Variants in TET2 observed in about 807,000 individuals in gnomAD.
TET2 encodes the protein tet methylcytosine dioxygenase 2.
In TET2, 299 loss-of-function variants were observed where a neutral mutation model predicts 142.9. The ratio of observed to expected loss-of-function variants is 2.09; its 90% CI spans 1.90 to 2.30. The LOEUF is 2.30. Ranked by LOEUF, TET2 falls within the 30% of genes most tolerant of loss-of-function variation. The probability of loss-of-function intolerance (pLI) is 0.00; values close to 1 mark genes in which losing one functional copy is unlikely to be tolerated. For synonymous variants in TET2, 819 were observed against 849.0 expected (o/e 0.96, Z 0.61); for missense variants, 2,418 against 2,378.0 (o/e 1.02, Z -0.35).
Position 105,261,713 on chromosome 4 carries a change from A to G in TET2, c.3955-46A>G, listed in dbSNP as rs918768520. ...AACTGATAGTCTCTTTTACATAGAGAAAATGGACTTAGAATTTAATATGTA... is the reference window on the plus strand; with the variant it reads ...AACTGATAGTCTCTTTTACATAGAGGAAATGGACTTAGAATTTAATATGTA... On this transcript the variant is annotated intron_variant, in intron 7 of 10. Transcript: ENST00000380013. 3 of 1,227,650 alleles carry G rather than the reference A, an allele frequency of 2.4e-6. No homozygotes were observed. The African/African-American group carries it at 4.6e-5, about 19-fold the overall frequency. The allele number at this position is 1,227,650 out of a possible 1,614,324, so 76.0% of individuals were successfully genotyped here. A position where few individuals can be genotyped will look rare whatever the true frequency, so the allele number is the denominator to read the frequency against.
rs144762131 is a variant in TET2 at position 105,218,428 on chromosome 4, G to A, written c.-46-15469G>A. 5.3e-3 allele frequency among the ~76,000 whole-genome samples: 800 copies of A among 152,128 alleles called. 4 individuals carry two copies. The highest frequency in any genetic ancestry group is 0.032 in the South Asian group (155 of 4,828). On this transcript the variant is annotated intron_variant, in intron 2 of 10. Transcript: ENST00000380013. ...TTCCTCATGTCGGCTATGCCATGCCGTTTCGTTCTTTTAGCTTGTTTACTT... is the reference window on the plus strand; with the variant it reads ...TTCCTCATGTCGGCTATGCCATGCCATTTCGTTCTTTTAGCTTGTTTACTT...
At position 105,276,060 on chromosome 4, in the gene TET2, C is replaced by T. The variant is rs529288878; in HGVS notation, c.5550C>T (p.Ser1850=). ...AEDNDEVWSD[S]EQSFLDPDIG... Reference sequence around the variant, plus strand: ...ACAACGATGAGGTCTGGTCAGACAGCGAGCAGAGCTTTCTGGATCCTGACA... The same window carrying T: ...ACAACGATGAGGTCTGGTCAGACAGTGAGCAGAGCTTTCTGGATCCTGACA... The change falls in exon 11 of 11, where the codon AGC becomes AGT. Residue 1850 remains serine (S), a synonymous_variant. Coordinates refer to ENST00000380013, the MANE Select transcript of TET2 (RefSeq NM_001127208.3). 50 of 1,551,670 alleles carry T rather than the reference C, an allele frequency of 3.2e-5. No homozygotes were observed. Among genetic ancestry groups the T allele is most frequent in the South Asian group, 7.1e-5 (6 of 84,062 alleles).
chr4:105,255,741 C>A (rs1347581040), intron 6 of TET2, among the ~76,000 whole-genome samples: 1 of 151,816 alleles, frequency 6.6e-6, no homozygotes, highest in Admixed American at 6.6e-5. Flanking sequence ...ATAGTTAAAT[C>A]TTTTTAAAAA....
intron 6 of TET2, among the ~76,000 whole-genome samples, chr4:105,244,605 TTTTTTTTGAGATGGAG>T (rs1729493173): frequency 8.0e-6 from 1 of 124,894 alleles, no homozygotes; most frequent in Non-Finnish European, 1.8e-5. Flanking sequence ...TTTTTTTTTT[TTTTTTTTGAGATGGAG>T]TTTCGCTCTT....
chr4:105,195,109 C>A (rs1220692970), intron 2 of TET2, among the ~76,000 whole-genome samples: 1 of 152,136 alleles, frequency 6.6e-6, no homozygotes, highest in Non-Finnish European at 1.5e-5. Flanking sequence ...GATTTTAGAA[C>A]AAGTAAAGCA....
intron 8 of TET2, among the ~76,000 whole-genome samples, chr4:105,268,332 A>T (rs1730790672): frequency 6.6e-6 from 1 of 151,712 alleles, no homozygotes; most frequent in South Asian, 2.1e-4. Flanking sequence ...CATACATTTG[A>T]CAAAAATGTA....
intron 1 of TET2, among the ~76,000 whole-genome samples, chr4:105,161,542 T>G (rs1723860661): frequency 6.6e-6 from 1 of 152,210 alleles, no homozygotes; most frequent in Admixed American, 6.5e-5. Context: ...TACTGAACAC[T>G]CTCGAGCTTT....
chr4:105,182,428 A>G (rs941364251), intron 1 of TET2, among the ~76,000 whole-genome samples: 6 of 152,150 alleles, frequency 3.9e-5, no homozygotes, highest in Admixed American at 2.6e-4. Context: ...TGAGCTGTTA[A>G]ATATTTTGAT....
chr4:105,253,700 A>G (rs1729983687), intron 6 of TET2, among the ~76,000 whole-genome samples: 1 of 152,128 alleles, frequency 6.6e-6, no homozygotes, highest in Non-Finnish European at 1.5e-5. Flanking sequence ...GTGAGAGGCA[A>G]CATACTTGCC....
chr4:105,235,242 C>T lies in TET2; in HGVS notation c.1300C>T (p.His434Tyr), dbSNP rs142547708. 1.2e-4 allele frequency: 192 copies of T among 1,614,106 alleles called. No individual in the cohort carries two copies. Among genetic ancestry groups the T allele is most frequent in the Non-Finnish European group, 1.5e-4 (180 of 1,180,008 alleles). The stretch of plus-strand genomic sequence containing the variant: ...TCTGAATGGTGGAGTTTTAGAAGAA[C>T]ACCACCACTACCCCAACCAAAGTAA... ...STLNGGVLEE[H>Y]HHYPNQSNTT... Residue 434 changes from histidine (H) to tyrosine (Y), a missense_variant, in exon 3 of 11, where the codon CAC (histidine) becomes TAC (tyrosine). His to Tyr is a moderately conservative substitution (Grantham distance 83). Transcript: ENST00000380013.
chr4:105,234,405 G>A lies in TET2; in HGVS notation c.463G>A (p.Ala155Thr). 6.2e-7 allele frequency: 1 copy of A among 1,614,034 alleles called. No individual in the cohort carries two copies. The highest frequency in any genetic ancestry group is 2.2e-5 in the East Asian group (1 of 44,840). The part of the protein sequence containing the change: ...SDKKESVSSV[A>T]QENAVKDFTS... ...TAAGAAAGAATCTGTGAGTTCTGTA[G>A]CCCAAGAAAATGCAGTTAAAGATTT... is the stretch of plus-strand genomic sequence containing the variant. Residue 155 changes from alanine (A) to threonine (T), a missense_variant, in exon 3 of 11, where the codon GCC (alanine) becomes ACC (threonine). Ala to Thr is a moderately conservative substitution (Grantham distance 58). Transcript: ENST00000380013.
At chr4:105,239,078 T>TTTTGTTTTTTG (rs1553914868) in intron 3 of TET2, 7 of 233,248 alleles carry the variant, frequency 3.0e-5, no homozygotes, top group Admixed American at 5.8e-5. Context: ...TTTTTTGTTT[T>TTTTGTTTTTTG]TTTTTTTTGT....
intron 1 of TET2, among the ~76,000 whole-genome samples, chr4:105,179,189 A>C (rs1357369742): frequency 6.6e-6 from 1 of 152,196 alleles, no homozygotes; most frequent in African/African-American, 2.4e-5. Context: ...TTGGGTGGGG[A>C]CACAAAGCCT....
Position 105,279,528 on chromosome 4 carries a change from T to C in TET2, c.*3009T>C, listed in dbSNP as rs142097112. ...TTGATTGACGCACAGTGATGTACAG[T>C]TCACTTCTGAAGCTAGTGGTTAACT... is the stretch of plus-strand genomic sequence containing the variant. On this transcript the variant is annotated 3_prime_UTR_variant, in exon 11 of 11. Coordinates refer to ENST00000380013, the MANE Select transcript of TET2 (RefSeq NM_001127208.3). The C allele has an allele frequency of 4.8e-4, 111 of 232,694 alleles. 2 individuals are homozygous for C. Among genetic ancestry groups the C allele is most frequent in the African/African-American group, 2.3e-3 (103 of 45,446 alleles). The allele number at this position is 232,694 out of a possible 1,614,324, so 14.4% of individuals were successfully genotyped here.
chr4:105,244,588 T>G (rs1455089175), intron 6 of TET2, among the ~76,000 whole-genome samples: 1 of 64,092 alleles, frequency 1.6e-5, no homozygotes, highest in Non-Finnish European at 4.1e-5. Context: ...ACAGAAATGT[T>G]TTTTTTTTTT....
At position 105,279,802 on chromosome 4, in the gene TET2, A is replaced by C. The variant is rs1731375252; in HGVS notation, c.*3283A>C. ...AATTTATATTTATTTAATGCACTCTAAGTGTTGTCTTCCTGAAGTTTTTTT... is the reference window on the plus strand; with the variant it reads ...AATTTATATTTATTTAATGCACTCTCAGTGTTGTCTTCCTGAAGTTTTTTT... On this transcript the variant is annotated 3_prime_UTR_variant, in exon 11 of 11. Coordinates refer to ENST00000380013, the MANE Select transcript of TET2 (RefSeq NM_001127208.3). 1 of 207,162 alleles carries C rather than the reference A, an allele frequency of 4.8e-6. No individual in the cohort carries two copies. Among genetic ancestry groups the C allele is most frequent in the Non-Finnish European group, 9.8e-6 (1 of 101,732 alleles). The allele number at this position is 207,162 out of a possible 1,614,324, so 12.8% of individuals were successfully genotyped here. A position where few individuals can be genotyped will look rare whatever the true frequency, so the allele number is the denominator to read the frequency against.
intron 2 of TET2, among the ~76,000 whole-genome samples, chr4:105,218,874 A>T (rs1727648338): frequency 6.6e-6 from 1 of 151,922 alleles, no homozygotes; most frequent in African/African-American, 2.4e-5. Context: ...TTATATATAT[A>T]GTCTATTACT....
In TET2 at chr4:105,275,848, C is replaced by T. The variant is rs1039508663; in HGVS notation, c.5338C>T (p.Leu1780=). ...CATGTTCAACAGCTCTCTTCATGCC[C>T]TGCATCTCCAAAACAAGGAGAATGA... The part of the protein sequence containing the change: ...PGMFNSSLHA[L]HLQNKENDML... The change falls in exon 11 of 11, where the codon CTG becomes TTG. Residue 1780 remains leucine, a synonymous_variant. Transcript: ENST00000380013. The T allele has an allele frequency of 2.6e-6, 4 of 1,551,746 alleles. No homozygotes were observed. Among genetic ancestry groups the T allele is most frequent in the Admixed American group, 3.9e-5 (2 of 50,976 alleles).
At chr4:105,158,468 G>A (rs940179248) in intron 1 of TET2, among the ~76,000 whole-genome samples, 25 of 152,142 alleles carry the variant, frequency 1.6e-4, no homozygotes, top group African/African-American at 4.8e-4. Flanking sequence ...GATAGGAAGA[G>A]AGGTAAAATG....
Sources: allele counts gnomAD v4.1 joint callset (sites outside exome capture counted in the v4.1 genomes callset), GRCh38; gene constraint gnomAD v4.1.1; transcripts MANE v1.5; gene names NCBI Gene and HGNC (gene_info 2026-07-23, HGNC 2026-07-21).